FHDC1: variants seen among roughly 807,000 people sequenced by gnomAD.
FHDC1 encodes the protein FH2 domain containing 1.
Under a neutral mutation model 52.6 loss-of-function variants are expected in FHDC1, and 25 were observed. The ratio of observed to expected loss-of-function variants is 0.48; its 90% CI spans 0.35 to 0.66. The LOEUF (loss-of-function observed/expected upper bound fraction) is 0.66. Ranked by LOEUF, FHDC1 falls within the 30% of genes least tolerant of loss-of-function variation. The pLI, the probability that FHDC1 is intolerant of heterozygous loss-of-function variation, is 0.01. For missense variants in FHDC1, 1,459 were observed against 1,452.8 expected (o/e 1.00, Z -0.07); for synonymous variants, 616 against 581.5 (o/e 1.06, Z -0.85).
chr4:152,971,695 T>C (rs1385263369), intron 10 of FHDC1, among the ~76,000 whole-genome samples: 4 of 152,216 alleles, frequency 2.6e-5, no homozygotes, highest in Non-Finnish European at 4.4e-5. Context: ...TGCCTAGCCA[T>C]TGGGACCCAT....
At position 152,974,735 on chromosome 4, in the gene FHDC1, C is replaced by G. The variant is rs1455790700; in HGVS notation, c.1444C>G (p.Gln482Glu). 5.9e-6 allele frequency: 9 copies of G among 1,520,172 alleles called. No homozygotes were observed. Among genetic ancestry groups the G allele is most frequent in the South Asian group, 1.3e-5 (1 of 76,094 alleles). The allele number at this position is 1,520,172 out of a possible 1,614,324, so 94.2% of individuals were successfully genotyped here. The change falls in exon 12 of 12, where the codon CAG becomes GAG. Residue 482 changes from glutamine (Q) to glutamate (E), a missense_variant. Coordinates refer to ENST00000511601, the MANE Select transcript of FHDC1 (RefSeq NM_001371116.1). ...GCTGCAGAGGCTGAAGGAGCAGGAG[C>G]AGAAGCAGCGCTCCTGGGCAACTGG... ...RQLQRLKEQE[Q>E]KQRSWATGEL...
chr4:152,920,139 G>A, the FHDC1 span, among the ~76,000 whole-genome samples: 2 of 151,632 alleles, frequency 1.3e-5, no homozygotes, highest in Non-Finnish European at 2.9e-5. Flanking sequence ...GTAGAGACAG[G>A]GTTTCACCAT....
intron 2 of FHDC1, among the ~76,000 whole-genome samples, chr4:152,949,124 T>TAATAATAATAATAAGAAGAAGAAG (rs1347590282): frequency 1.3e-5 from 1 of 74,702 alleles, no homozygotes. Flanking sequence ...ATAATAATAA[T>TAATAATAATAATAAGAAGAAGAAG]AAGAAGAAGA....
At chr4:152,954,134 A>G in intron 3 of FHDC1, 83 bp from the exon 4 acceptor site, 1 of 1,172,000 alleles carries the variant, frequency 8.5e-7, no homozygotes, top group South Asian at 1.3e-5. Flanking sequence ...AGGAGGGTGG[A>G]GGAGATTTAA....
At chr4:152,951,747 C>G (rs1340616619) in intron 2 of FHDC1, among the ~76,000 whole-genome samples, 1 of 152,146 alleles carries the variant, frequency 6.6e-6, no homozygotes, top group African/African-American at 2.4e-5. Flanking sequence ...TAGCTAGTCT[C>G]CCGTTACCAA....
At chr4:152,916,726 A>G in the FHDC1 span, among the ~76,000 whole-genome samples, 2 of 152,272 alleles carry the variant, frequency 1.3e-5, no homozygotes, top group South Asian at 2.1e-4. Context: ...CTCCTCTAGC[A>G]TGGGAGATAA....
Position 152,976,787 on chromosome 4 carries a change from A to G in FHDC1, c.*64A>G, listed in dbSNP as rs1740906834. On this transcript the variant is annotated 3_prime_UTR_variant, in exon 12 of 12. Coordinates refer to ENST00000511601, the MANE Select transcript of FHDC1 (RefSeq NM_001371116.1). ...GTGAAGACTGACTTCTGGGACGAGGATGGGGAAAGAGGCAGCATGTCTTTG... is the reference window on the plus strand; with the variant it reads ...GTGAAGACTGACTTCTGGGACGAGGGTGGGGAAAGAGGCAGCATGTCTTTG... 1 of 1,440,818 alleles carries G rather than the reference A, an allele frequency of 6.9e-7. No individual in the cohort carries two copies. The highest frequency in any genetic ancestry group is 9.1e-7 in the Non-Finnish European group (1 of 1,093,084). 89.3% of individuals were successfully genotyped at this position (1,440,818 alleles called of 1,614,324 possible). A position where few individuals can be genotyped will look rare whatever the true frequency, so the allele number is the denominator to read the frequency against.
intron 10 of FHDC1, among the ~76,000 whole-genome samples, chr4:152,970,129 C>T (rs957702505): frequency 1.3e-5 from 2 of 152,142 alleles, no homozygotes; most frequent in Non-Finnish European, 2.9e-5. Context: ...AACTCTATGC[C>T]ATAAGAAGTG....
At chr4:152,967,488 C>T (rs1018316) in intron 9 of FHDC1, among the ~76,000 whole-genome samples, 100,884 of 152,044 alleles carry the variant, frequency 0.66, 33,749 homozygotes, top group African/African-American at 0.73. Flanking sequence ...TATAGAAAGC[C>T]TGCTCTGGCC....
At chr4:152,941,883 C>G (rs1210659658) in intron 1 of FHDC1, among the ~76,000 whole-genome samples, 1 of 152,174 alleles carries the variant, frequency 6.6e-6, no homozygotes, top group African/African-American at 2.4e-5. Context: ...TTTCCACACT[C>G]CCATCTAGTT....
At chr4:152,964,825 A>T in intron 8 of FHDC1, 80 bp from the exon 9 acceptor site, 1 of 1,183,196 alleles carries the variant, frequency 8.5e-7, no homozygotes, top group Non-Finnish European at 1.2e-6. Context: ...CAGTGATTTT[A>T]AGATTCCTTT....
intron 10 of FHDC1, among the ~76,000 whole-genome samples, chr4:152,970,501 C>G (rs1036597661): frequency 6.6e-6 from 1 of 152,160 alleles, no homozygotes; most frequent in African/African-American, 2.4e-5. Flanking sequence ...TCTGTCAATC[C>G]CCACAGGATC....
At chr4:152,935,531 G>A (rs1468080597), upstream of FHDC1, among the ~76,000 whole-genome samples, 1 of 152,132 alleles carries the variant, frequency 6.6e-6, no homozygotes, top group African/African-American at 2.4e-5. Context: ...GACAGCGTGC[G>A]TTCATTCGAT....
At chr4:152,962,329 C>T (rs1229078910) in intron 6 of FHDC1, among the ~76,000 whole-genome samples, 3 of 152,172 alleles carry the variant, frequency 2.0e-5, no homozygotes, top group Non-Finnish European at 4.4e-5. Flanking sequence ...TTTACATGTT[C>T]TCCCAGCTTG....
chr4:152,957,698 A>G (rs1019460502), intron 4 of FHDC1, among the ~76,000 whole-genome samples: 3 of 152,242 alleles, frequency 2.0e-5, no homozygotes, highest in Non-Finnish European at 2.9e-5. Context: ...ATAAACGGAA[A>G]CAGCCCTTTT....
chr4:152,964,302 C>T (rs1020654466), intron 8 of FHDC1, among the ~76,000 whole-genome samples: 2 of 152,190 alleles, frequency 1.3e-5, no homozygotes, highest in Admixed American at 1.3e-4. Context: ...GGTTAATTTT[C>T]AGGCATTAAA....
At chr4:152,957,931 G>A (rs1324693935) in intron 4 of FHDC1, among the ~76,000 whole-genome samples, 1 of 151,860 alleles carries the variant, frequency 6.6e-6, no homozygotes, top group African/African-American at 2.4e-5. Flanking sequence ...CCCCCACCAC[G>A]CCTGACCAGC....
chr4:152,960,912 C>T, intron 6 of FHDC1, 68 bp downstream of exon 6: 1 of 1,195,906 alleles, frequency 8.4e-7, no homozygotes, highest in Non-Finnish European at 1.2e-6. Context: ...TTTAAAAAAG[C>T]CAAATGAAAT....
the FHDC1 span, chr4:152,918,255 C>T: frequency 1.3e-5 from 2 of 152,198 alleles, no homozygotes; most frequent in Non-Finnish European, 2.9e-5. Context: ...CAACACTGAC[C>T]TTGATTTATT....
Sources: gnomAD v4.1 joint callset for allele counts (sites outside exome capture counted in the v4.1 genomes callset) on GRCh38, gnomAD v4.1.1 for gene constraint, MANE v1.5 for transcripts, NCBI Gene and HGNC (gene_info 2026-07-23, HGNC 2026-07-21) for gene names.